Variants in PDGFD observed in about 807,000 individuals in gnomAD.
PDGFD encodes platelet derived growth factor D.
PDGFD carries 30 observed loss-of-function variants against 44.7 expected under a neutral mutation model. That is an observed-to-expected ratio of 0.67 (90% CI 0.50 to 0.91). The LOEUF (loss-of-function observed/expected upper bound fraction) is 0.91. Among genes scored for constraint, PDGFD ranks in the 40% least tolerant of loss-of-function variants. PDGFD has a pLI of 0.00. For synonymous variants in PDGFD, 173 were observed against 168.4 expected, an observed-to-expected ratio of 1.03 and a Z score of -0.21; for missense variants, 445 against 457.8, an observed-to-expected ratio of 0.97 and a Z score of 0.25.
At chr11:104,002,386 C>T (rs1325422850) in intron 1 of PDGFD, among the ~76,000 whole-genome samples, 2 of 152,104 alleles carry the variant, frequency 1.3e-5, no homozygotes, top group Non-Finnish European at 2.9e-5. Flanking sequence ...AGTGAGTTCT[C>T]ATGAAATCTG....
At chr11:104,002,140 T>C (rs1468048759) in intron 1 of PDGFD, among the ~76,000 whole-genome samples, 1 of 152,170 alleles carries the variant, frequency 6.6e-6, no homozygotes, top group East Asian at 1.9e-4. Flanking sequence ...GAAAATCATT[T>C]CTGCTCGTTG....
rs1173949505 is a variant in PDGFD, at chr11:104,062,362, C to T, written c.125-62107G>A. Among the ~76,000 whole-genome samples the T allele has an allele frequency of 7.9e-5, 12 of 152,290 alleles. No individual in the cohort carries two copies. The South Asian group carries it at 1.5e-3, about 18-fold the overall frequency. On this transcript the variant is annotated intron_variant, in intron 1 of 6. Coordinates refer to ENST00000393158, the MANE Select transcript of PDGFD (RefSeq NM_025208.5). ...CTCCATCTGTTCTTTCTCTGCATGTCGTAAGATCTGGCTCTTCCTATCTTT... is the reference window on the plus strand; with the variant it reads ...CTCCATCTGTTCTTTCTCTGCATGTTGTAAGATCTGGCTCTTCCTATCTTT...
chr11:103,952,212 C>T (rs868798445), intron 3 of PDGFD, among the ~76,000 whole-genome samples: 26 of 152,082 alleles, frequency 1.7e-4, no homozygotes, highest in South Asian at 2.1e-4. Flanking sequence ...GTGCCCTTAC[C>T]GTTACTTTAA....
At chr11:103,966,357 C>T (rs1372526673) in intron 3 of PDGFD, among the ~76,000 whole-genome samples, 3 of 152,172 alleles carry the variant, frequency 2.0e-5, no homozygotes, top group Non-Finnish European at 4.4e-5. Context: ...TCAATTTCTA[C>T]AGTTGTTATT....
Position 103,996,077 on chromosome 11 carries a change from ATAAATCT to A in PDGFD, c.491_497del (p.Lys164IlefsTer35), listed in dbSNP as rs1243552254. 6.2e-7 allele frequency: 1 copy of A among 1,613,258 alleles called. No individual in the cohort carries two copies. Among genetic ancestry groups the A allele is most frequent in the Admixed American group, 1.7e-5 (1 of 59,926 alleles). ...GTTAAGTACTCACCAGCAAAGAATAATAAATCTTGAATCCAGGTTTAGCCACAAAGTA... is the reference window on the plus strand; with the variant it reads ...GTTAAGTACTCACCAGCAAAGAATAATGAATCCAGGTTTAGCCACAAAGTA... On this transcript the variant is annotated frameshift_variant, in exon 3 of 7. Transcript: ENST00000393158. LOFTEE classifies it high-confidence loss of function.
chr11:103,913,715 C>T (rs990200664), intron 6 of PDGFD, among the ~76,000 whole-genome samples: 6 of 152,114 alleles, frequency 3.9e-5, no homozygotes, highest in Non-Finnish European at 5.9e-5. Flanking sequence ...AATCCAGGAG[C>T]TGGTTTTTTG....
intron 1 of PDGFD, among the ~76,000 whole-genome samples, chr11:104,024,629 G>A (rs1860014174): frequency 6.6e-6 from 1 of 152,128 alleles, no homozygotes; most frequent in Non-Finnish European, 1.5e-5. Flanking sequence ...AGAAGCCAAG[G>A]GCTATACCAT....
At chr11:103,975,770 G>A (rs1443248093) in intron 3 of PDGFD, among the ~76,000 whole-genome samples, 1 of 152,034 alleles carries the variant, frequency 6.6e-6, no homozygotes, top group African/African-American at 2.4e-5. Flanking sequence ...CCCATTGCTT[G>A]TTTTTGTCAG....
chr11:103,978,586 C>T (rs1859217306), intron 3 of PDGFD, among the ~76,000 whole-genome samples: 1 of 151,882 alleles, frequency 6.6e-6, no homozygotes, highest in African/African-American at 2.4e-5. Context: ...TGTTACAATA[C>T]CTCAAGACCA....
At chr11:104,037,953 T>C in intron 1 of PDGFD, 1 of 1,614,172 alleles carries the variant, frequency 6.2e-7, no homozygotes, top group Non-Finnish European at 8.5e-7. Flanking sequence ...GTGGGCAAGA[T>C]GAGTCTTCGG....
chr11:104,103,890 TA>T (rs1484409884), intron 1 of PDGFD, among the ~76,000 whole-genome samples: 2 of 152,126 alleles, frequency 1.3e-5, no homozygotes, highest in South Asian at 2.1e-4. Flanking sequence ...CTTCTACTTA[TA>T]TTTTTTTTAA....
At chr11:103,956,780 T>A (rs1858858064) in intron 3 of PDGFD, among the ~76,000 whole-genome samples, 2 of 152,302 alleles carry the variant, frequency 1.3e-5, no homozygotes, top group East Asian at 3.9e-4. Flanking sequence ...GGTATCTCAT[T>A]GTGGTTTTGA....
intron 1 of PDGFD, among the ~76,000 whole-genome samples, chr11:104,048,943 T>C (rs1860484160): frequency 6.6e-6 from 1 of 152,198 alleles, no homozygotes; most frequent in African/African-American, 2.4e-5. Context: ...TAATTCACTT[T>C]ACAACAAAAA....
intron 1 of PDGFD, among the ~76,000 whole-genome samples, chr11:104,074,822 G>C (rs868133332): frequency 2.0e-5 from 3 of 152,204 alleles, no homozygotes. Context: ...TTCAGGTGCT[G>C]ATTGCCTGGG....
At chr11:104,114,821 G>T (rs553456597) in intron 1 of PDGFD, among the ~76,000 whole-genome samples, 2 of 150,708 alleles carry the variant, frequency 1.3e-5, no homozygotes, top group African/African-American at 4.9e-5. Flanking sequence ...TATTTCATTA[G>T]ATGTATACTT....
At position 103,924,122 on chromosome 11, in the gene PDGFD, G is replaced by C. The variant is rs544107746; in HGVS notation, c.987+2790C>G. 9.9e-5 allele frequency among the ~76,000 whole-genome samples: 15 copies of C among 152,220 alleles called. No individual in the cohort carries two copies. In the East Asian group the frequency reaches 2.7e-3, roughly 27 times the overall value. On this transcript the variant is annotated intron_variant, in intron 6 of 6. Coordinates refer to ENST00000393158, the MANE Select transcript of PDGFD (RefSeq NM_025208.5). ...GGCTGGGAGGCAAGGGTCTTTGGGG[G>C]TCTATGGTTCACTCTGCTCTTCCCA...
At chr11:103,924,766 G>A (rs1230509850) in intron 6 of PDGFD, among the ~76,000 whole-genome samples, 9 of 152,146 alleles carry the variant, frequency 5.9e-5, no homozygotes, top group Non-Finnish European at 1.3e-4. Flanking sequence ...CAAAGCTGGA[G>A]ATTTTGTTTA....
At chr11:103,918,018 T>C (rs1457112270) in intron 6 of PDGFD, among the ~76,000 whole-genome samples, 2 of 152,200 alleles carry the variant, frequency 1.3e-5, no homozygotes, top group African/African-American at 4.8e-5. Context: ...ATTTGTTTAA[T>C]GTTCAATCAA....
At chr11:103,960,710 C>G (rs191360358) in intron 3 of PDGFD, among the ~76,000 whole-genome samples, 5 of 152,272 alleles carry the variant, frequency 3.3e-5, no homozygotes, top group Non-Finnish European at 5.9e-5. Flanking sequence ...GCAGCTAGAA[C>G]AAATTCCCAT....
Sources: gnomAD v4.1 joint callset for allele counts (sites outside exome capture counted in the v4.1 genomes callset) on GRCh38, gnomAD v4.1.1 for gene constraint, MANE v1.5 for transcripts, NCBI Gene and HGNC (gene_info 2026-07-23, HGNC 2026-07-21) for gene names.